The following MACROD2 variants were observed in gnomAD, a reference collection of about 807,000 sequenced individuals.
MACROD2 encodes the protein mono-ADP ribosylhydrolase 2.
In MACROD2, 36 loss-of-function variants were observed where a neutral mutation model predicts 70.4. The ratio of observed to expected loss-of-function variants is 0.51; its 90% CI spans 0.39 to 0.68. MACROD2 has a LOEUF of 0.68. Ranked by LOEUF, MACROD2 falls within the 30% of genes least tolerant of loss-of-function variation. The pLI is 0.00. For synonymous variants in MACROD2, 172 were observed against 178.8 expected (o/e 0.96, Z 0.30); for missense variants, 496 against 538.4 (o/e 0.92, Z 0.78).
intron 8 of MACROD2, among the ~76,000 whole-genome samples, chr20:15,831,875 A>G (rs6043560): frequency 0.72 from 108,850 of 151,960 alleles, 39,252 homozygotes; most frequent in East Asian, 0.86. Flanking sequence ...ATCCATCTTC[A>G]GGTGACCTAT....
At chr20:15,787,041 C>T (rs1331694468) in intron 8 of MACROD2, among the ~76,000 whole-genome samples, 7 of 151,336 alleles carry the variant, frequency 4.6e-5, no homozygotes, top group African/African-American at 1.2e-4. Context: ...GGTGTGATCT[C>T]GGCTCACTGC....
At chr20:15,793,205 A>G (rs948043840) in intron 8 of MACROD2, among the ~76,000 whole-genome samples, 2 of 152,160 alleles carry the variant, frequency 1.3e-5, no homozygotes, top group Admixed American at 1.3e-4. Context: ...GCCTTTGTGT[A>G]GAATACTTGT....
At chr20:15,918,096 G>C (rs1044759977) in intron 10 of MACROD2, among the ~76,000 whole-genome samples, 1 of 152,108 alleles carries the variant, frequency 6.6e-6, no homozygotes, top group African/African-American at 2.4e-5. Flanking sequence ...TATAAACCTC[G>C]TTTTGTAATC....
intron 3 of MACROD2, among the ~76,000 whole-genome samples, chr20:14,282,808 T>C (rs1050135917): frequency 5.3e-5 from 8 of 152,052 alleles, no homozygotes; most frequent in Non-Finnish European, 1.2e-4. Flanking sequence ...AATGACCAGA[T>C]CACGTGAGAA....
chr20:14,371,632 T>C (rs2083324422), intron 3 of MACROD2, among the ~76,000 whole-genome samples: 1 of 152,176 alleles, frequency 6.6e-6, no homozygotes. Context: ...CATACTTGAA[T>C]AGTGAGCATT....
At chr20:15,423,939 G>T (rs148046404) in intron 6 of MACROD2, among the ~76,000 whole-genome samples, 11 of 152,314 alleles carry the variant, frequency 7.2e-5, no homozygotes, top group Non-Finnish European at 1.3e-4. Context: ...AGCATAGTCA[G>T]ATTATGGTGA....
intron 8 of MACROD2, among the ~76,000 whole-genome samples, chr20:15,576,951 A>G (rs747256554): frequency 2.6e-5 from 4 of 152,110 alleles, no homozygotes; most frequent in Non-Finnish European, 4.4e-5. Context: ...AACTGTTCCT[A>G]TGATTTCGGT....
At chr20:14,760,508 T>C (rs2072002132) in intron 5 of MACROD2, among the ~76,000 whole-genome samples, 2 of 152,138 alleles carry the variant, frequency 1.3e-5, no homozygotes, top group Admixed American at 6.5e-5. Flanking sequence ...TATTTATTAT[T>C]ACTGAACACA....
At chr20:14,070,614 C>T (rs911631705) in intron 2 of MACROD2, among the ~76,000 whole-genome samples, 2 of 151,848 alleles carry the variant, frequency 1.3e-5, no homozygotes, top group East Asian at 1.9e-4. Context: ...TTTTGGGGAG[C>T]GGGAATGTTG....
intron 5 of MACROD2, among the ~76,000 whole-genome samples, chr20:14,808,087 C>A (rs1270638973): frequency 1.3e-5 from 2 of 151,976 alleles, no homozygotes; most frequent in African/African-American, 4.8e-5. Context: ...TCAGGAAATA[C>A]AGAGAACATT....
intron 5 of MACROD2, among the ~76,000 whole-genome samples, chr20:14,852,648 T>A (rs1276515451): frequency 6.6e-6 from 1 of 152,100 alleles, no homozygotes; most frequent in South Asian, 2.1e-4. Context: ...CACACTTTAG[T>A]ATCAAGTCAC....
At chr20:15,209,019 T>G (rs1348360350) in intron 5 of MACROD2, among the ~76,000 whole-genome samples, 1 of 152,174 alleles carries the variant, frequency 6.6e-6, no homozygotes, top group Non-Finnish European at 1.5e-5. Flanking sequence ...AAGCCTTGGC[T>G]TTGTCTGTGC....
chr20:14,140,953 G>T (rs2054865230), intron 3 of MACROD2, among the ~76,000 whole-genome samples: 1 of 152,166 alleles, frequency 6.6e-6, no homozygotes, highest in Non-Finnish European at 1.5e-5. Context: ...TGATGAAGTT[G>T]ATCATATTAG....
chr20:15,626,046 G>A (rs991607463), intron 8 of MACROD2, among the ~76,000 whole-genome samples: 2 of 152,122 alleles, frequency 1.3e-5, no homozygotes, highest in Non-Finnish European at 2.9e-5. Flanking sequence ...GAGTGAGGCC[G>A]TGTGGTGATA....
At chr20:15,055,541 G>C (rs1601007394) in intron 5 of MACROD2, among the ~76,000 whole-genome samples, 1 of 152,166 alleles carries the variant, frequency 6.6e-6, no homozygotes, top group African/African-American at 2.4e-5. Context: ...TGAAATGACA[G>C]TGAAGAATTA....
At chr20:15,067,988 A>T (rs2075590752) in intron 5 of MACROD2, among the ~76,000 whole-genome samples, 1 of 152,188 alleles carries the variant, frequency 6.6e-6, no homozygotes, top group South Asian at 2.1e-4. Flanking sequence ...CCATACTGCT[A>T]TTCTGGTTGA....
chr20:14,169,422 A>G (rs2081199980), intron 3 of MACROD2, among the ~76,000 whole-genome samples: 1 of 152,160 alleles, frequency 6.6e-6, no homozygotes, highest in Admixed American at 6.5e-5. Context: ...CTTCTGCCTC[A>G]GCCTCCTGAG....
chr20:15,181,585 A>G (rs1403258041), intron 5 of MACROD2, among the ~76,000 whole-genome samples: 1 of 152,214 alleles, frequency 6.6e-6, no homozygotes, highest in African/African-American at 2.4e-5. Flanking sequence ...ATACTATGTT[A>G]TATAACCTTT....
intron 3 of MACROD2, among the ~76,000 whole-genome samples, chr20:14,183,167 C>A (rs887777468): frequency 2.0e-5 from 3 of 150,364 alleles, no homozygotes; most frequent in Non-Finnish European, 4.4e-5. Flanking sequence ...TTTCCTGATC[C>A]TCTCCCTCCT....
Sources: gnomAD v4.1 joint callset for allele counts (sites outside exome capture counted in the v4.1 genomes callset) on GRCh38, gnomAD v4.1.1 for gene constraint, MANE v1.5 for transcripts, NCBI Gene and HGNC (gene_info 2026-07-23, HGNC 2026-07-21) for gene names.